Variants in TANC2 observed in about 807,000 individuals in gnomAD.
The protein encoded by TANC2 is protein TANC2.
A neutral mutation model predicts 210.5 loss-of-function variants in TANC2; 26 were observed. The ratio of observed to expected loss-of-function variants is 0.12; its 90% CI spans 0.09 to 0.17. The LOEUF is 0.17. Among genes scored for constraint, TANC2 ranks in the 10% least tolerant of loss-of-function variants. The pLI, the probability that TANC2 is intolerant of heterozygous loss-of-function variation, is 1.00. For synonymous variants in TANC2, 931 were observed against 967.1 expected (o/e 0.96, Z 0.69); for missense variants, 2,129 against 2,608.9 (o/e 0.82, Z 4.01).
intron 7 of TANC2, among the ~76,000 whole-genome samples, chr17:63,208,278 G>C (rs897219302): frequency 6.6e-6 from 1 of 152,220 alleles, no homozygotes; most frequent in Non-Finnish European, 1.5e-5. Context: ...CCATTACCAT[G>C]TTCGCATGCA....
intron 1 of TANC2, among the ~76,000 whole-genome samples, chr17:62,999,190 G>A (rs2033255943): frequency 6.6e-6 from 1 of 152,082 alleles, no homozygotes; most frequent in African/African-American, 2.4e-5. Flanking sequence ...TTGAAAGTCT[G>A]TGGCACCTCC....
intron 5 of TANC2, among the ~76,000 whole-genome samples, chr17:63,157,718 AATAC>A (rs1020255273): frequency 6.6e-6 from 1 of 152,086 alleles, no homozygotes; most frequent in East Asian, 1.9e-4. Context: ...AACATACATA[AATAC>A]ATAAAATATG....
intron 1 of TANC2, among the ~76,000 whole-genome samples, chr17:62,995,563 T>C (rs2033067172): frequency 6.6e-6 from 1 of 152,086 alleles, no homozygotes; most frequent in African/African-American, 2.4e-5. Context: ...TTTGAAGGGG[T>C]AGAAAGAGAA....
chr17:63,260,284 A>T (rs1377106268), intron 8 of TANC2, among the ~76,000 whole-genome samples: 1 of 152,224 alleles, frequency 6.6e-6, no homozygotes, highest in Non-Finnish European at 1.5e-5. Flanking sequence ...GGATTCAGCA[A>T]CTTTTTTATT....
chr17:63,405,089 C>A (rs371383955), intron 19 of TANC2, 33 bp from the exon 20 acceptor site: 113 of 1,586,000 alleles, frequency 7.1e-5, no homozygotes, highest in Middle Eastern at 5.0e-4. Context: ...GGACCAGAAC[C>A]ACCTATCCTC....
chr17:63,048,134 TC>T (rs2035449608), intron 2 of TANC2, among the ~76,000 whole-genome samples: 1 of 152,090 alleles, frequency 6.6e-6, no homozygotes, highest in South Asian at 2.1e-4. Flanking sequence ...GATTAAAAAA[TC>T]CTTTCTAGGT....
chr17:63,189,304 A>G (rs1435588260), intron 5 of TANC2, among the ~76,000 whole-genome samples: 1 of 152,110 alleles, frequency 6.6e-6, no homozygotes, highest in Non-Finnish European at 1.5e-5. Context: ...GCTGAGTCAC[A>G]TGGTAACTCT....
chr17:62,989,750 A>G (rs2032758864), intron 1 of TANC2, among the ~76,000 whole-genome samples: 1 of 151,344 alleles, frequency 6.6e-6, no homozygotes, highest in African/African-American at 2.4e-5. Flanking sequence ...CAAAGCTCAT[A>G]GAATAAAAAA....
intron 1 of TANC2, among the ~76,000 whole-genome samples, chr17:62,971,656 T>A (rs539308637): frequency 1.5e-4 from 23 of 152,116 alleles, no homozygotes; most frequent in African/African-American, 5.3e-4. Flanking sequence ...AGAGCAGGGG[T>A]CTCTAACCCC....
intron 1 of TANC2, among the ~76,000 whole-genome samples, chr17:63,005,611 T>C (rs1188023842): frequency 6.6e-6 from 1 of 152,134 alleles, no homozygotes; most frequent in African/African-American, 2.4e-5. Flanking sequence ...ACTTAGGTTG[T>C]CTTTAATGGT....
chr17:63,071,046 G>C (rs1174041468), intron 2 of TANC2, among the ~76,000 whole-genome samples: 1 of 152,100 alleles, frequency 6.6e-6, no homozygotes, highest in African/African-American at 2.4e-5. Context: ...CATGAGCATT[G>C]ACCTTTTCAC....
chr17:63,009,424 C>T (rs893918830), intron 1 of TANC2, 113 bp from the exon 2 acceptor site: 5 of 642,362 alleles, frequency 7.8e-6, no homozygotes, highest in Non-Finnish European at 1.1e-5. Flanking sequence ...GGCAAACAGT[C>T]CAGTTGTACC....
intron 8 of TANC2, among the ~76,000 whole-genome samples, chr17:63,244,173 G>GA (rs2042853080): frequency 6.6e-6 from 1 of 152,164 alleles, no homozygotes; most frequent in Non-Finnish European, 1.5e-5. Flanking sequence ...ATAGTAAGCA[G>GA]GCGGGTCATT....
At chr17:63,406,204 G>A (rs1326917844) in exon 21 of TANC2, 1 of 1,613,956 alleles carries the variant, frequency 6.2e-7, no homozygotes, top group Non-Finnish European at 8.5e-7. Flanking sequence ...TGGCAGACAA[G>A]CAGGGCCGCA....
chr17:63,259,281 G>T (rs796800626), intron 8 of TANC2, among the ~76,000 whole-genome samples: 1 of 152,218 alleles, frequency 6.6e-6, no homozygotes, highest in African/African-American at 2.4e-5. Context: ...GAGCTGCACT[G>T]CTTGGGGTTA....
chr17:63,230,869 A>C (rs539253815), intron 7 of TANC2, among the ~76,000 whole-genome samples: 1 of 152,288 alleles, frequency 6.6e-6, no homozygotes, highest in Admixed American at 6.5e-5. Flanking sequence ...TTGGGTGTTA[A>C]AGTCTCCCAC....
rs553273605 is a variant in TANC2 at position 63,288,107 on chromosome 17, A to G, written c.1159+20234A>G. ...TCAGCCTTGGATAGTTTCCTCACAT[A>G]CACATGCCAGTGAGTACTCCATTGA... On this transcript the variant is annotated intron_variant, in intron 9 of 27. Transcript: ENST00000689528. 5.3e-5 allele frequency among the ~76,000 whole-genome samples: 8 copies of G among 152,264 alleles called. No homozygotes were observed. The South Asian group carries it at 1.7e-3, about 32-fold the overall frequency.
At chr17:63,293,162 A>G (rs538691019) in intron 9 of TANC2, among the ~76,000 whole-genome samples, 1 of 152,316 alleles carries the variant, frequency 6.6e-6, no homozygotes, top group Non-Finnish European at 1.5e-5. Flanking sequence ...CTGAGCACCA[A>G]GAATAAACAG....
At chr17:63,018,265 C>G (rs558857139) in intron 2 of TANC2, among the ~76,000 whole-genome samples, 1 of 151,918 alleles carries the variant, frequency 6.6e-6, no homozygotes. Flanking sequence ...CTGATGTCGG[C>G]GGGTCACCGG....
Sources: allele counts gnomAD v4.1 joint callset (sites outside exome capture counted in the v4.1 genomes callset), GRCh38; gene constraint gnomAD v4.1.1; transcripts MANE v1.5; gene names NCBI Gene and HGNC (gene_info 2026-07-23, HGNC 2026-07-21).